The following WDPCP variants were observed in gnomAD, a reference collection of about 807,000 sequenced individuals.
WDPCP encodes the protein WD repeat-containing and planar cell polarity effector protein fritz homolog.
In WDPCP, 71 loss-of-function variants were observed where a neutral mutation model predicts 93.1. That is an observed-to-expected ratio of 0.76 (90% CI 0.63 to 0.93). WDPCP has a LOEUF of 0.93. Among genes scored for constraint, WDPCP ranks in the 40% least tolerant of loss-of-function variants. The probability of loss-of-function intolerance (pLI) is 0.00; values close to 1 mark genes in which losing one functional copy is unlikely to be tolerated. For missense variants in WDPCP, 844 were observed against 887.4 expected (o/e 0.95, Z 0.62); for synonymous variants, 315 against 315.0 (o/e 1.00, Z 0.00).
chr2:63,286,942 G>A (rs1684049047), intron 13 of WDPCP, among the ~76,000 whole-genome samples: 1 of 152,118 alleles, frequency 6.6e-6, no homozygotes, highest in Non-Finnish European at 1.5e-5. Context: ...CCACAGAGTG[G>A]GCGGCCTAAA....
intron 3 of WDPCP, among the ~76,000 whole-genome samples, chr2:63,596,102 A>G (rs771618276): frequency 1.3e-5 from 2 of 152,224 alleles, no homozygotes; most frequent in African/African-American, 2.4e-5. Flanking sequence ...TCATTGAACT[A>G]TAACACAGAT....
intron 9 of WDPCP, among the ~76,000 whole-genome samples, chr2:63,407,891 C>G (rs1398407298): frequency 6.6e-6 from 1 of 152,104 alleles, no homozygotes; most frequent in Non-Finnish European, 1.5e-5. Flanking sequence ...CAGGTCATGT[C>G]GAGTAGAGCC....
chr2:63,514,547 T>C (rs1302747781), intron 1 of WDPCP, among the ~76,000 whole-genome samples: 1 of 152,188 alleles, frequency 6.6e-6, no homozygotes, highest in Non-Finnish European at 1.5e-5. Context: ...TTCAGCACTT[T>C]GGCTTTGCAA....
At chr2:63,469,185 A>T (rs1182114932) in intron 6 of WDPCP, among the ~76,000 whole-genome samples, 4 of 152,244 alleles carry the variant, frequency 2.6e-5, no homozygotes, top group Non-Finnish European at 5.9e-5. Context: ...ATTACTAAAA[A>T]GTCAAAACAT....
Position 63,362,279 on chromosome 2 carries a change from GT to G in WDPCP, c.1748+16106del, listed in dbSNP as rs1690540287. ...ATCCCTTTTTTTTTTTTTTTTGGTTGTGTGTGTGTGTGTGTGTGTGTGTAGA... is the reference window on the plus strand; with the variant it reads ...ATCCCTTTTTTTTTTTTTTTTGGTTGGTGTGTGTGTGTGTGTGTGTGTAGA... On this transcript the variant is annotated intron_variant, in intron 12 of 17. Transcript: ENST00000272321. Among the ~76,000 whole-genome samples, 24 of 74,218 alleles carry G rather than the reference GT, an allele frequency of 3.2e-4. No homozygotes were observed. The East Asian group carries it at 3.7e-3, about 11-fold the overall frequency. The allele number at this position is 74,218 out of a possible 152,430, so 48.7% of individuals were successfully genotyped here.
intron 14 of WDPCP, among the ~76,000 whole-genome samples, chr2:63,231,308 T>G (rs575287885): frequency 3.0e-4 from 45 of 152,086 alleles, no homozygotes; most frequent in Non-Finnish European, 5.6e-4. Context: ...CTATTCAACA[T>G]AGTTTTGGAA....
At chr2:63,668,373 A>G (rs576600733) in intron 2 of WDPCP, among the ~76,000 whole-genome samples, 1 of 152,342 alleles carries the variant, frequency 6.6e-6, no homozygotes, top group South Asian at 2.1e-4. Context: ...TTTTACAATA[A>G]CCAGCAGGAA....
intron 12 of WDPCP, among the ~76,000 whole-genome samples, chr2:63,340,245 T>G (rs1363833505): frequency 6.6e-6 from 1 of 152,198 alleles, no homozygotes; most frequent in African/African-American, 2.4e-5. Context: ...TAGTAAATGA[T>G]CAGAGTTCTG....
chr2:63,526,153 A>G (rs1405633908), intron 1 of WDPCP, among the ~76,000 whole-genome samples: 1 of 152,150 alleles, frequency 6.6e-6, no homozygotes, highest in Non-Finnish European at 1.5e-5. Context: ...AAAAAAAGCC[A>G]TACCAGCCCT....
chr2:63,832,071 G>T (rs940723476), upstream of WDPCP, among the ~76,000 whole-genome samples: 1 of 152,180 alleles, frequency 6.6e-6, no homozygotes, highest in Non-Finnish European at 1.5e-5. Context: ...ACTGGATATA[G>T]CTTATCTGGG....
intron 14 of WDPCP, among the ~76,000 whole-genome samples, chr2:63,216,721 A>T (rs970939525): frequency 6.6e-6 from 1 of 152,036 alleles, no homozygotes; most frequent in Non-Finnish European, 1.5e-5. Context: ...TAAAAAAAAA[A>T]CTAAAAAAAA....
intron 1 of WDPCP, among the ~76,000 whole-genome samples, chr2:63,508,144 A>C (rs1321492086): frequency 6.6e-6 from 1 of 152,210 alleles, no homozygotes; most frequent in African/African-American, 2.4e-5. Flanking sequence ...CAGATTCACC[A>C]AGGTTGAAAT....
intron 14 of WDPCP, among the ~76,000 whole-genome samples, chr2:63,212,708 G>T (rs1452872591): frequency 6.6e-6 from 1 of 151,730 alleles, no homozygotes; most frequent in Non-Finnish European, 1.5e-5. Context: ...TCAATGTGCT[G>T]TATTCAGGAG....
chr2:63,506,668 T>C (rs1331995422), intron 1 of WDPCP, among the ~76,000 whole-genome samples: 4 of 152,084 alleles, frequency 2.6e-5, no homozygotes, highest in Admixed American at 1.3e-4. Context: ...TGGCTTTGCT[T>C]AGAACTGAAA....
intron 15 of WDPCP, among the ~76,000 whole-genome samples, chr2:63,163,213 A>G (rs1037321810): frequency 6.6e-6 from 1 of 152,218 alleles, no homozygotes; most frequent in Non-Finnish European, 1.5e-5. Flanking sequence ...TCTTTCTCAC[A>G]TTATCAGTTT....
chr2:63,663,689 G>A (rs967573392), intron 2 of WDPCP, among the ~76,000 whole-genome samples: 8 of 152,184 alleles, frequency 5.3e-5, no homozygotes, highest in African/African-American at 1.9e-4. Context: ...GGTGAATTCA[G>A]TTTCTAAGCT....
intron 1 of WDPCP, among the ~76,000 whole-genome samples, chr2:63,822,331 T>C (rs947468948): frequency 6.6e-6 from 1 of 152,218 alleles, no homozygotes; most frequent in Admixed American, 6.5e-5. Context: ...ACTGAAGTTG[T>C]CAAAACACAA....
At chr2:63,138,311 T>G (rs74854189) in intron 17 of WDPCP, among the ~76,000 whole-genome samples, 3,068 of 152,246 alleles carry the variant, frequency 0.02, 112 homozygotes, top group African/African-American at 0.07. Flanking sequence ...GTTGTGCTAA[T>G]GTGTGCATGC....
intron 12 of WDPCP, among the ~76,000 whole-genome samples, chr2:63,325,312 C>T (rs983157100): frequency 2.0e-5 from 3 of 152,284 alleles, no homozygotes; most frequent in Middle Eastern, 3.4e-3. Context: ...GCCACCCCCT[C>T]GTCCATGTCC....
Sources: gnomAD v4.1 joint callset for allele counts (sites outside exome capture counted in the v4.1 genomes callset) on GRCh38, gnomAD v4.1.1 for gene constraint, MANE v1.5 for transcripts, NCBI Gene and HGNC (gene_info 2026-07-23, HGNC 2026-07-21) for gene names.